Variants in RUFY4 observed in about 807,000 individuals in gnomAD.
RUFY4 encodes RUN and FYVE domain containing 4, also known as RUN and FYVE domain-containing protein 4.
A neutral mutation model predicts 69.0 loss-of-function variants in RUFY4; 73 were observed. The ratio of observed to expected loss-of-function variants is 1.06; its 90% CI spans 0.88 to 1.29. The LOEUF (loss-of-function observed/expected upper bound fraction) is 1.29. Ranked by LOEUF, RUFY4 falls within the 50% of genes most tolerant of loss-of-function variation. The pLI is 0.00. For synonymous variants in RUFY4, 287 were observed against 271.8 expected (o/e 1.06, Z -0.55); for missense variants, 770 against 705.6 (o/e 1.09, Z -1.03).
chr2:218,072,290 A>G, intron 2 of RUFY4, 84 bp from the exon 5 acceptor site: 1 of 1,480,618 alleles, frequency 6.8e-7, no homozygotes. Context: ...CTCCTCCAGT[A>G]CATGTCCCCT....
chr2:218,072,676 G>C, intron 3 of RUFY4, 103 bp from the exon 6 acceptor site: 1 of 1,298,068 alleles, frequency 7.7e-7, no homozygotes, highest in Non-Finnish European at 1.0e-6. Context: ...AGGTCCCCCT[G>C]CACCCTTCCC....
intron 2 of RUFY4, among the ~76,000 whole-genome samples, chr2:218,046,739 A>C (rs1688839130): frequency 6.6e-6 from 1 of 152,254 alleles, no homozygotes. Context: ...AAAGTTCAGC[A>C]TCACTTATTA....
upstream of RUFY4, among the ~76,000 whole-genome samples, chr2:218,064,524 G>A (rs1046757091): frequency 1.4e-4 from 21 of 152,216 alleles, no homozygotes; most frequent in African/African-American, 4.8e-4. Context: ...TTTCAGGCAG[G>A]GGTTGCCCCA....
chr2:218,053,641 C>G (rs1490841406), intron 2 of RUFY4, among the ~76,000 whole-genome samples: 1 of 152,202 alleles, frequency 6.6e-6, no homozygotes, highest in Admixed American at 6.5e-5. Context: ...TCCCGGGTAA[C>G]TGGGACTACA....
intron 2 of RUFY4, among the ~76,000 whole-genome samples, chr2:218,044,119 G>A (rs1688766038): frequency 6.6e-6 from 1 of 152,172 alleles, no homozygotes; most frequent in Admixed American, 6.5e-5. Flanking sequence ...GCCTTCTGGG[G>A]CCTCCAAAGC....
At chr2:218,070,942 C>A in intron 2 of RUFY4, 83 bp downstream of exon 4, 1 of 1,009,112 alleles carries the variant, frequency 9.9e-7, no homozygotes, top group Non-Finnish European at 1.4e-6. Context: ...CAGGGAGGAG[C>A]CACAGCCCCC....
Position 218,049,656 on chromosome 2 carries a change from G to A in RUFY4, c.-1157-8939G>A, listed in dbSNP as rs139370816. ...CAAGTAGCTGGGATTACAGGCATGCGCCACCACAGCTGGCTAATTTTTTGT... is the reference window on the plus strand; with the variant it reads ...CAAGTAGCTGGGATTACAGGCATGCACCACCACAGCTGGCTAATTTTTTGT... On this transcript the variant is annotated intron_variant and NMD_transcript_variant, in intron 2 of 13. Coordinates refer to the RUFY4 transcript ENST00000457754. 7.0e-3 allele frequency among the ~76,000 whole-genome samples: 1,065 copies of A among 152,072 alleles called. 9 individuals carry two copies. The highest frequency in any genetic ancestry group is 0.024 in the African/African-American group (1,004 of 41,482).
At chr2:218,089,628 T>A in intron 10 of RUFY4, 1 of 695,812 alleles carries the variant, frequency 1.4e-6, no homozygotes, top group Non-Finnish European at 2.6e-6. Flanking sequence ...GGGCCTCTCA[T>A]CTGGAAGGGA....
chr2:218,071,995 C>A (rs564134977), intron 2 of RUFY4, among the ~76,000 whole-genome samples: 4 of 152,288 alleles, frequency 2.6e-5, no homozygotes, highest in African/African-American at 9.6e-5. Context: ...AGAATGAGTA[C>A]CCAGGCAAGG....
chr2:218,052,591 T>C, intron 2 of RUFY4, among the ~76,000 whole-genome samples: 1 of 152,122 alleles, frequency 6.6e-6, no homozygotes, highest in East Asian at 1.9e-4. Flanking sequence ...GAAACAGAGA[T>C]TTCAAGTTTT....
At chr2:218,082,876 T>G (rs1689796280) in intron 8 of RUFY4, among the ~76,000 whole-genome samples, 1 of 86,458 alleles carries the variant, frequency 1.2e-5, no homozygotes, top group Admixed American at 1.2e-4. Flanking sequence ...ATTGTAAGTG[T>G]GTCTTCTGTG....
intron 2 of RUFY4, among the ~76,000 whole-genome samples, chr2:218,045,521 A>G (rs923144603): frequency 1.3e-5 from 2 of 152,206 alleles, no homozygotes; most frequent in Non-Finnish European, 2.9e-5. Flanking sequence ...AATCTAGAAA[A>G]CAATACATTA....
At chr2:218,066,177 C>CTTTTTTTTT (rs58665951), upstream of RUFY4, among the ~76,000 whole-genome samples, 41 of 74,398 alleles carry the variant, frequency 5.5e-4, no homozygotes, top group Non-Finnish European at 8.5e-4. Flanking sequence ...CTTTTCTTTT[C>CTTTTTTTTT]TTTTTTTTTT....
chr2:218,057,948 G>A (rs1477626475), intron 2 of RUFY4, among the ~76,000 whole-genome samples: 1 of 152,108 alleles, frequency 6.6e-6, no homozygotes, highest in Non-Finnish European at 1.5e-5. Flanking sequence ...TCTGATTTTT[G>A]TAAATAAGGC....
chr2:218,035,856 C>T (rs776838885), intron 2 of RUFY4, among the ~76,000 whole-genome samples: 2 of 152,354 alleles, frequency 1.3e-5, no homozygotes, highest in Non-Finnish European at 2.9e-5. Flanking sequence ...AAAGAACACA[C>T]ATTTCCATTC....
chr2:218,046,935 T>C (rs1378243378), intron 2 of RUFY4, among the ~76,000 whole-genome samples: 1 of 151,132 alleles, frequency 6.6e-6, no homozygotes, highest in Non-Finnish European at 1.5e-5. Context: ...CTGTCAAAAA[T>C]GTCAAAAGGT....
chr2:218,088,056 T>C (rs1012204163), intron 9 of RUFY4, among the ~76,000 whole-genome samples: 1 of 152,082 alleles, frequency 6.6e-6, no homozygotes, highest in Admixed American at 6.6e-5. Context: ...CAAAAAGACG[T>C]CAGAAATGGT....
exon 11 of RUFY4, chr2:218,090,156 T>C: frequency 1.6e-6 from 1 of 641,476 alleles, no homozygotes; most frequent in Non-Finnish European, 2.7e-6. Flanking sequence ...GTTTGTCCAG[T>C]CCTCATTCTA....
chr2:218,060,933 T>C (rs1239768857), intron 3 of RUFY4: 1 of 918,392 alleles, frequency 1.1e-6, no homozygotes, highest in South Asian at 1.3e-5. Context: ...ACATATGAAC[T>C]TGACCAAGTG....
Sources: gnomAD v4.1 joint callset for allele counts (sites outside exome capture counted in the v4.1 genomes callset) on GRCh38, gnomAD v4.1.1 for gene constraint, MANE v1.5 for transcripts, NCBI Gene and HGNC (gene_info 2026-07-23, HGNC 2026-07-21) for gene names.